FBXL17: variants seen among roughly 807,000 people sequenced by gnomAD.
The protein encoded by FBXL17 is F-box/LRR-repeat protein 17.
A neutral mutation model predicts 66.2 loss-of-function variants in FBXL17; 22 were observed. The ratio of observed to expected loss-of-function variants is 0.33; its 90% CI spans 0.24 to 0.47. The LOEUF (loss-of-function observed/expected upper bound fraction) is 0.47. Among genes scored for constraint, FBXL17 ranks in the 20% least tolerant of loss-of-function variants. FBXL17 has a pLI of 1.00. For synonymous variants in FBXL17, 474 were observed against 400.5 expected, an observed-to-expected ratio of 1.18 and a Z score of -2.19; for missense variants, 878 against 948.2, an observed-to-expected ratio of 0.93 and a Z score of 0.97.
At chr5:108,116,664 T>A (rs969335506) in intron 6 of FBXL17, among the ~76,000 whole-genome samples, 18 of 150,896 alleles carry the variant, frequency 1.2e-4, no homozygotes, top group African/African-American at 2.4e-4. Context: ...ATAATAATAA[T>A]AAAAAAATAA....
intron 7 of FBXL17, among the ~76,000 whole-genome samples, chr5:107,915,693 TAATAAA>T: frequency 6.6e-6 from 1 of 152,346 alleles, no homozygotes; most frequent in South Asian, 2.1e-4. Context: ...TTGGTACTTA[TAATAAA>T]TCAACAGCTA....
chr5:107,992,088 T>TTGTGTGTGTGTGTGTGTGTG (rs3039988), intron 7 of FBXL17, among the ~76,000 whole-genome samples: 1 of 149,132 alleles, frequency 6.7e-6, no homozygotes, highest in African/African-American at 2.5e-5. Flanking sequence ...ATCATATTAA[T>TTGTGTGTGTGTGTGTGTGTG]TGTGTGTGTG....
chr5:108,181,232 T>A (rs927503181), intron 6 of FBXL17, among the ~76,000 whole-genome samples: 3 of 152,100 alleles, frequency 2.0e-5, no homozygotes, highest in Non-Finnish European at 2.9e-5. Flanking sequence ...TACAAAAAAA[T>A]TTCAATAAAC....
intron 7 of FBXL17, among the ~76,000 whole-genome samples, chr5:108,014,227 A>T (rs1754294623): frequency 6.6e-6 from 1 of 152,114 alleles, no homozygotes; most frequent in Non-Finnish European, 1.5e-5. Context: ...ATATTTCAGA[A>T]ATGCTAACAG....
chr5:108,366,121 T>C (rs942343071), intron 2 of FBXL17, among the ~76,000 whole-genome samples: 2 of 152,062 alleles, frequency 1.3e-5, no homozygotes, highest in South Asian at 4.1e-4. Flanking sequence ...ACCTCGCATA[T>C]AATTCATAGG....
At chr5:108,352,025 G>A (rs1022986176) in intron 3 of FBXL17, among the ~76,000 whole-genome samples, 4 of 152,252 alleles carry the variant, frequency 2.6e-5, no homozygotes, top group Non-Finnish European at 2.9e-5. Flanking sequence ...TACAGGCCAC[G>A]TGGATAACCA....
chr5:107,982,028 G>A (rs185559375), intron 7 of FBXL17, among the ~76,000 whole-genome samples: 240 of 152,214 alleles, frequency 1.6e-3, no homozygotes, highest in Middle Eastern at 3.4e-3. Flanking sequence ...AATATAATAC[G>A]GAGTCTCAAA....
intron 6 of FBXL17, among the ~76,000 whole-genome samples, chr5:108,171,365 G>C (rs916332459): frequency 4.6e-5 from 7 of 151,982 alleles, no homozygotes; most frequent in Non-Finnish European, 8.8e-5. Context: ...TTTGAGGTCA[G>C]ACAGATCTAC....
chr5:108,170,780 C>T (rs571495593), intron 6 of FBXL17, among the ~76,000 whole-genome samples: 28 of 152,238 alleles, frequency 1.8e-4, no homozygotes, highest in African/African-American at 6.3e-4. Flanking sequence ...GTGATCTGCC[C>T]GCCTCGGCCT....
intron 6 of FBXL17, among the ~76,000 whole-genome samples, chr5:108,101,087 C>G (rs573046093): frequency 6.6e-6 from 1 of 152,344 alleles, no homozygotes; most frequent in Non-Finnish European, 1.5e-5. Context: ...ACTTAAATTT[C>G]AGAGAGCTCC....
At chr5:108,063,143 G>C (rs1449937731) in intron 6 of FBXL17, among the ~76,000 whole-genome samples, 1 of 151,400 alleles carries the variant, frequency 6.6e-6, no homozygotes, top group African/African-American at 2.4e-5. Context: ...CATTTTTTTT[G>C]TCTTGTTAAA....
chr5:108,336,160 GAAACTAA>G (rs1413845955), intron 4 of FBXL17, among the ~76,000 whole-genome samples: 1 of 151,990 alleles, frequency 6.6e-6, no homozygotes, highest in African/African-American at 2.4e-5. Context: ...TATGAAACTA[GAAACTAA>G]AAACTAAAAA....
At chr5:108,257,475 C>G (rs916106968) in intron 4 of FBXL17, among the ~76,000 whole-genome samples, 1 of 151,936 alleles carries the variant, frequency 6.6e-6, no homozygotes, top group African/African-American at 2.4e-5. Flanking sequence ...AACAAATGAG[C>G]GAGAGTCATT....
chr5:108,044,528 T>C (rs891010338), intron 6 of FBXL17, among the ~76,000 whole-genome samples: 1 of 152,212 alleles, frequency 6.6e-6, no homozygotes, highest in Non-Finnish European at 1.5e-5. Flanking sequence ...TCTTTTTATA[T>C]GGTCCTGAAT....
intron 6 of FBXL17, among the ~76,000 whole-genome samples, chr5:108,141,348 T>C (rs913222745): frequency 6.6e-6 from 1 of 152,144 alleles, no homozygotes; most frequent in Non-Finnish European, 1.5e-5. Flanking sequence ...GTTTCACACA[T>C]TCCTTTTCCT....
chr5:108,255,616 A>C (rs1392745060), intron 4 of FBXL17, among the ~76,000 whole-genome samples: 1 of 152,174 alleles, frequency 6.6e-6, no homozygotes, highest in Non-Finnish European at 1.5e-5. Flanking sequence ...GCGTCCAAGG[A>C]AAAACTGACC....
intron 7 of FBXL17, among the ~76,000 whole-genome samples, chr5:107,982,874 TG>T (rs1316990824): frequency 6.6e-6 from 1 of 152,212 alleles, no homozygotes; most frequent in African/African-American, 2.4e-5. Flanking sequence ...CCATGTTTCC[TG>T]GCTCTGACTA....
At chr5:108,077,406 G>A (rs1748593686) in intron 6 of FBXL17, among the ~76,000 whole-genome samples, 3 of 152,186 alleles carry the variant, frequency 2.0e-5, no homozygotes, top group Admixed American at 1.3e-4. Context: ...GCTCATGCCT[G>A]TAATCCCAGA....
At chr5:107,882,817 A>G (rs1157067712) in intron 7 of FBXL17, among the ~76,000 whole-genome samples, 1 of 152,198 alleles carries the variant, frequency 6.6e-6, no homozygotes, top group Non-Finnish European at 1.5e-5. Flanking sequence ...TGATTTCCAA[A>G]GATGACAAAG....
Sources: allele counts gnomAD v4.1 joint callset (sites outside exome capture counted in the v4.1 genomes callset), GRCh38; gene constraint gnomAD v4.1.1; transcripts MANE v1.5; gene names NCBI Gene and HGNC (gene_info 2026-07-23, HGNC 2026-07-21).